The following MYRIP variants were observed in gnomAD, a reference collection of about 807,000 sequenced individuals.
MYRIP encodes myosin VIIA and Rab interacting protein, also known as rab effector MyRIP.
A neutral mutation model predicts 98.0 loss-of-function variants in MYRIP; 49 were observed. The ratio of observed to expected loss-of-function variants is 0.50; its 90% confidence interval spans 0.40 to 0.63. The LOEUF (loss-of-function observed/expected upper bound fraction) is 0.63, where lower values mean the gene tolerates loss of function less well. Ranked by LOEUF, MYRIP falls within the 30% of genes least tolerant of loss-of-function variation. The probability of loss-of-function intolerance (pLI) is 0.00; values close to 1 mark genes in which losing one functional copy is unlikely to be tolerated. For synonymous variants in MYRIP, 404 were observed against 409.5 expected, an observed-to-expected ratio of 0.99 and a Z score of 0.16; for missense variants, 1,004 against 1,058.2, an observed-to-expected ratio of 0.95 and a Z score of 0.71.
At chr3:40,093,470 A>G (rs577164733) in intron 3 of MYRIP, among the ~76,000 whole-genome samples, 1 of 152,318 alleles carries the variant, frequency 6.6e-6, no homozygotes, top group South Asian at 2.1e-4. Context: ...CTCCAGGATG[A>G]TCATGCCCAG....
At chr3:39,842,085 C>T (rs988510924) in intron 1 of MYRIP, among the ~76,000 whole-genome samples, 1 of 152,130 alleles carries the variant, frequency 6.6e-6, no homozygotes, top group Non-Finnish European at 1.5e-5. Context: ...GTGCTCTGTC[C>T]CAGGGAGATG....
chr3:39,898,201 C>T (rs1943659697), intron 1 of MYRIP, among the ~76,000 whole-genome samples: 1 of 152,000 alleles, frequency 6.6e-6, no homozygotes, highest in African/African-American at 2.4e-5. Flanking sequence ...TGCCCTCAAC[C>T]CTAACACCAC....
At chr3:39,925,494 C>T (rs1046546976) in intron 2 of MYRIP, among the ~76,000 whole-genome samples, 2 of 151,900 alleles carry the variant, frequency 1.3e-5, no homozygotes, top group Admixed American at 6.6e-5. Flanking sequence ...CTCCTTTTCT[C>T]CAGTACTCCC....
chr3:40,074,794 A>G (rs1361460451), intron 3 of MYRIP, among the ~76,000 whole-genome samples: 3 of 152,194 alleles, frequency 2.0e-5, no homozygotes, highest in Non-Finnish European at 2.9e-5. Flanking sequence ...ACCTAATTTA[A>G]AAGAGCAAAG....
intron 11 of MYRIP, among the ~76,000 whole-genome samples, chr3:40,226,614 C>T (rs890812900): frequency 3.3e-5 from 5 of 152,172 alleles, no homozygotes; most frequent in African/African-American, 1.2e-4. Context: ...CCAGGCAGAC[C>T]CTAATACAAA....
At chr3:40,174,917 A>G (rs1950714654) in intron 8 of MYRIP, among the ~76,000 whole-genome samples, 1 of 152,030 alleles carries the variant, frequency 6.6e-6, no homozygotes, top group Admixed American at 6.6e-5. Flanking sequence ...GTCAAGGCAA[A>G]TGGATCACGT....
intron 2 of MYRIP, among the ~76,000 whole-genome samples, chr3:40,036,990 A>C (rs937196415): frequency 1.4e-5 from 2 of 143,752 alleles, no homozygotes; most frequent in Non-Finnish European, 3.2e-5. Flanking sequence ...AAAATGCCTA[A>C]TCATAATGAA....
intron 3 of MYRIP, among the ~76,000 whole-genome samples, chr3:40,110,081 T>C (rs891782213): frequency 2.6e-5 from 4 of 152,188 alleles, no homozygotes; most frequent in African/African-American, 7.2e-5. Flanking sequence ...GCCTGTTACC[T>C]CATTTCTTAC....
chr3:39,871,933 G>A (rs1472381558), intron 1 of MYRIP, among the ~76,000 whole-genome samples: 1 of 151,882 alleles, frequency 6.6e-6, no homozygotes, highest in Non-Finnish European at 1.5e-5. Context: ...AGAAAAAACT[G>A]AACCCAGTAC....
intron 3 of MYRIP, among the ~76,000 whole-genome samples, chr3:40,076,715 G>C (rs1468211774): frequency 6.6e-6 from 1 of 152,156 alleles, no homozygotes; most frequent in Non-Finnish European, 1.5e-5. Context: ...CTCAAAGGGG[G>C]ACTGGCAGCC....
At position 40,234,069 on chromosome 3, in the gene MYRIP, G is replaced by A; in HGVS notation, c.2100+16G>A. The stretch of plus-strand genomic sequence containing the variant: ...GGAAGAAAATGTAAGAGGGTATGGA[G>A]GTGCCCTGTCTAGGGTGAATGTATG... On this transcript the variant is annotated intron_variant, in intron 12 of 16. Coordinates refer to ENST00000302541, the MANE Select transcript of MYRIP (RefSeq NM_015460.4). 6.3e-7 allele frequency: 1 copy of A among 1,589,804 alleles called. No individual in the cohort carries two copies. Among genetic ancestry groups the A allele is most frequent in the Non-Finnish European group, 8.5e-7 (1 of 1,172,030 alleles).
At chr3:39,813,920 A>G (rs1940786188) in intron 1 of MYRIP, among the ~76,000 whole-genome samples, 1 of 152,000 alleles carries the variant, frequency 6.6e-6, no homozygotes, top group Non-Finnish European at 1.5e-5. Context: ...TTTTTCACCT[A>G]ACTTTTTTTA....
chr3:39,898,169 G>A (rs1029751244), intron 1 of MYRIP, among the ~76,000 whole-genome samples: 7 of 152,104 alleles, frequency 4.6e-5, no homozygotes, highest in African/African-American at 1.7e-4. Context: ...GAAACCTAGT[G>A]CAAGTACATT....
intron 3 of MYRIP, among the ~76,000 whole-genome samples, chr3:40,055,544 A>G (rs1947868188): frequency 6.6e-6 from 1 of 152,134 alleles, no homozygotes; most frequent in Non-Finnish European, 1.5e-5. Context: ...AAACATAAAA[A>G]GCACCTGTGA....
intron 3 of MYRIP, among the ~76,000 whole-genome samples, chr3:40,044,574 G>A (rs547220665): frequency 2.3e-4 from 35 of 152,258 alleles, no homozygotes; most frequent in African/African-American, 4.8e-4. Flanking sequence ...TCATCCTTTC[G>A]TTCGTTCATT....
At chr3:39,896,799 T>C (rs543107372) in intron 1 of MYRIP, among the ~76,000 whole-genome samples, 7 of 152,330 alleles carry the variant, frequency 4.6e-5, no homozygotes, top group African/African-American at 9.6e-5. Context: ...TACGTACACA[T>C]TGACCTTTTA....
intron 3 of MYRIP, among the ~76,000 whole-genome samples, chr3:40,073,397 T>C (rs1349349471): frequency 6.6e-6 from 1 of 152,254 alleles, no homozygotes; most frequent in Admixed American, 6.5e-5. Context: ...TTCCTGCCTC[T>C]GTTTCAAGTC....
intron 1 of MYRIP, among the ~76,000 whole-genome samples, chr3:39,897,483 G>A (rs1481900094): frequency 6.6e-6 from 1 of 152,132 alleles, no homozygotes; most frequent in African/African-American, 2.4e-5. Context: ...CTGTTGTCAT[G>A]TTGGTTGGCT....
At chr3:39,960,271 C>G (rs554973749) in intron 2 of MYRIP, among the ~76,000 whole-genome samples, 17 of 152,064 alleles carry the variant, frequency 1.1e-4, no homozygotes, top group Non-Finnish European at 2.2e-4. Context: ...CCTCTCCCCC[C>G]ATTCTTTCCT....
Sources: gnomAD v4.1 joint callset for allele counts (sites outside exome capture counted in the v4.1 genomes callset) on GRCh38, gnomAD v4.1.1 for gene constraint, MANE v1.5 for transcripts, NCBI Gene and HGNC (gene_info 2026-07-23, HGNC 2026-07-21) for gene names.